The following CFAP61 variants were observed in gnomAD, a reference collection of about 807,000 sequenced individuals.
CFAP61 encodes cilia and flagella associated protein 61.
A neutral mutation model predicts 135.6 loss-of-function variants in CFAP61; 107 were observed. That is an observed-to-expected ratio of 0.79 (90% CI 0.67 to 0.93). The LOEUF (loss-of-function observed/expected upper bound fraction) is 0.93. CFAP61 is among the 40% of genes least tolerant of loss of function. The pLI, the probability that CFAP61 is intolerant of heterozygous loss-of-function variation, is 0.00. For synonymous variants in CFAP61, 575 were observed against 578.5 expected, an observed-to-expected ratio of 0.99 and a Z score of 0.09; for missense variants, 1,507 against 1,556.2, an observed-to-expected ratio of 0.97 and a Z score of 0.53.
intron 24 of CFAP61, among the ~76,000 whole-genome samples, chr20:20,295,798 G>A (rs1009635614): frequency 4.6e-5 from 7 of 151,120 alleles, no homozygotes; most frequent in Non-Finnish European, 1.0e-4. Context: ...CACGAAGTCA[G>A]GACTTGAGGA....
At chr20:20,300,662 T>G (rs1175964416) in intron 25 of CFAP61, among the ~76,000 whole-genome samples, 1 of 151,652 alleles carries the variant, frequency 6.6e-6, no homozygotes, top group African/African-American at 2.4e-5. Context: ...TGGAGTATAG[T>G]GGCATGAGCT....
intron 8 of CFAP61, among the ~76,000 whole-genome samples, chr20:20,139,951 G>A (rs2051236926): frequency 6.6e-6 from 1 of 152,010 alleles, no homozygotes; most frequent in African/African-American, 2.4e-5. Flanking sequence ...CTTAAAATAG[G>A]AAAGAAATAT....
At chr20:20,134,619 A>G (rs2050782538) in intron 8 of CFAP61, among the ~76,000 whole-genome samples, 2 of 152,220 alleles carry the variant, frequency 1.3e-5, no homozygotes, top group Non-Finnish European at 2.9e-5. Context: ...AACAATAACT[A>G]TGGATTAGAT....
chr20:20,126,212 G>A (rs771667066), intron 8 of CFAP61, among the ~76,000 whole-genome samples: 1 of 151,806 alleles, frequency 6.6e-6, no homozygotes, highest in Non-Finnish European at 1.5e-5. Context: ...TTTAATGTTA[G>A]TGTTGAGATG....
intron 18 of CFAP61, among the ~76,000 whole-genome samples, chr20:20,233,316 G>A (rs751526321): frequency 2.6e-5 from 4 of 152,178 alleles, no homozygotes; most frequent in Non-Finnish European, 4.4e-5. Flanking sequence ...GAGCTCAACC[G>A]CAATGGACAG....
chr20:20,190,119 T>C (rs1350446287), intron 14 of CFAP61, among the ~76,000 whole-genome samples: 3 of 152,246 alleles, frequency 2.0e-5, no homozygotes, highest in African/African-American at 7.2e-5. Context: ...ACTGCAACTA[T>C]CTTATGGCCT....
chr20:20,287,454 C>T (rs763945606), intron 22 of CFAP61, among the ~76,000 whole-genome samples: 7 of 152,128 alleles, frequency 4.6e-5, no homozygotes, highest in African/African-American at 7.2e-5. Flanking sequence ...ACTGAGGAAC[C>T]GAATTTTTCA....
intron 17 of CFAP61, among the ~76,000 whole-genome samples, chr20:20,225,752 C>A (rs1364270190): frequency 6.6e-6 from 1 of 152,162 alleles, no homozygotes; most frequent in Non-Finnish European, 1.5e-5. Flanking sequence ...ACTAGACCTG[C>A]GATTAGATGC....
rs1468655440 is a variant in CFAP61 at position 20,199,754 on chromosome 20, T to C, written c.1798-14T>C. The C allele has an allele frequency of 1.9e-6, 3 of 1,613,936 alleles. No homozygotes were observed. The highest frequency in any genetic ancestry group is 1.7e-6 in the Non-Finnish European group (2 of 1,179,902). On this transcript the variant is annotated splice_polypyrimidine_tract_variant and intron_variant, in intron 16 of 26. Transcript: ENST00000245957. ...GACATTCTCTCCCCTAAAATATAGA[T>C]TGCTGTCTTTCAGTTCCAGAACCCC...
intron 3 of CFAP61, 68 bp from the exon 4 acceptor site, chr20:20,074,228 CCTCTTT>C (rs753522441): frequency 2.1e-4 from 263 of 1,240,434 alleles, no homozygotes; most frequent in Non-Finnish European, 2.9e-4. Flanking sequence ...GCCCCGAAAC[CCTCTTT>C]CCACCCTGTG....
intron 25 of CFAP61, among the ~76,000 whole-genome samples, chr20:20,327,213 C>G (rs80344759): frequency 4.6e-4 from 70 of 152,058 alleles, no homozygotes; most frequent in Non-Finnish European, 8.1e-4. Flanking sequence ...CACCTTTTTT[C>G]TTTCCTCTCC....
chr20:20,193,073 C>A (rs2056039868), intron 15 of CFAP61, among the ~76,000 whole-genome samples: 2 of 152,128 alleles, frequency 1.3e-5, no homozygotes, highest in African/African-American at 2.4e-5. Flanking sequence ...CAGGTACTGT[C>A]CTGGTGGTCA....
Position 20,155,348 on chromosome 20 carries a change from T to C in CFAP61, c.952-4022T>C, listed in dbSNP as rs538567228. ...TAGAAGATAACATTGGAAAAAACTCTTCTAGACATTGGCTTAGGCAAAGAC... is the reference window on the plus strand; with the variant it reads ...TAGAAGATAACATTGGAAAAAACTCCTCTAGACATTGGCTTAGGCAAAGAC... On this transcript the variant is annotated intron_variant, in intron 9 of 26. Transcript: ENST00000245957. Among the ~76,000 whole-genome samples, 53 of 152,244 alleles carry C rather than the reference T, an allele frequency of 3.5e-4. No homozygotes were observed. In the South Asian group the frequency reaches 0.011, roughly 32 times the overall value.
At chr20:20,182,632 C>A (rs1601238179) in intron 13 of CFAP61, among the ~76,000 whole-genome samples, 1 of 152,226 alleles carries the variant, frequency 6.6e-6, no homozygotes, top group East Asian at 1.9e-4. Context: ...CCATTTTAAT[C>A]ATTGATTTTA....
intron 10 of CFAP61, among the ~76,000 whole-genome samples, chr20:20,161,622 G>A (rs2053412333): frequency 1.3e-5 from 2 of 152,176 alleles, no homozygotes; most frequent in African/African-American, 2.4e-5. Context: ...GTGAGGAATT[G>A]GGCTGAAAAG....
chr20:20,142,585 TC>T (rs1253658365), intron 8 of CFAP61, among the ~76,000 whole-genome samples: 3 of 152,266 alleles, frequency 2.0e-5, no homozygotes, highest in Admixed American at 2.0e-4. Flanking sequence ...TTGCCCATCT[TC>T]CCATCTCCAC....
At chr20:20,212,011 G>T (rs533444759) in intron 17 of CFAP61, among the ~76,000 whole-genome samples, 4 of 152,138 alleles carry the variant, frequency 2.6e-5, no homozygotes, top group Non-Finnish European at 4.4e-5. Context: ...AGTTGAGCAG[G>T]TCCCAAAGAT....
At chr20:20,181,257 T>C (rs1157001307) in intron 13 of CFAP61, among the ~76,000 whole-genome samples, 1 of 120,120 alleles carries the variant, frequency 8.3e-6, no homozygotes, top group Non-Finnish European at 1.7e-5. Context: ...TATATAACTT[T>C]TATATGTATG....
At chr20:20,195,939 G>T (rs2056250646) in intron 15 of CFAP61, among the ~76,000 whole-genome samples, 1 of 152,126 alleles carries the variant, frequency 6.6e-6, no homozygotes, top group South Asian at 2.1e-4. Flanking sequence ...AAATTAGCCA[G>T]GCGTGATGGT....
Sources: gnomAD v4.1 joint callset for allele counts (sites outside exome capture counted in the v4.1 genomes callset) on GRCh38, gnomAD v4.1.1 for gene constraint, MANE v1.5 for transcripts, NCBI Gene and HGNC (gene_info 2026-07-23, HGNC 2026-07-21) for gene names.